Variants in AP4E1 observed in about 807,000 individuals in gnomAD.
The protein encoded by AP4E1 is AP-4 complex subunit epsilon-1.
AP4E1 carries 56 observed loss-of-function variants against 128.2 expected under a neutral mutation model. That is an observed-to-expected ratio of 0.44 (90% CI 0.35 to 0.55). AP4E1 has a LOEUF of 0.55. Among genes scored for constraint, AP4E1 ranks in the 20% least tolerant of loss-of-function variants. AP4E1 has a pLI of 0.00. For synonymous variants in AP4E1, 484 were observed against 473.1 expected, an observed-to-expected ratio of 1.02 and a Z score of -0.30; for missense variants, 1,324 against 1,307.7, an observed-to-expected ratio of 1.01 and a Z score of -0.19.
At chr15:50,909,495 A>C (rs1362843255) in intron 1 of AP4E1, among the ~76,000 whole-genome samples, 1 of 152,222 alleles carries the variant, frequency 6.6e-6, no homozygotes, top group Non-Finnish European at 1.5e-5. Flanking sequence ...AAGAAAAAGC[A>C]CAGTTCTCTC....
intron 16 of AP4E1, among the ~76,000 whole-genome samples, chr15:50,986,340 C>G (rs949427033): frequency 4.6e-5 from 7 of 152,158 alleles, no homozygotes; most frequent in Middle Eastern, 3.2e-3. Context: ...ACTTCCAACA[C>G]TGTGTTGAAT....
At chr15:50,919,872 T>A (rs2063675203) in intron 3 of AP4E1, among the ~76,000 whole-genome samples, 2 of 151,598 alleles carry the variant, frequency 1.3e-5, no homozygotes, top group African/African-American at 2.4e-5. Context: ...AAGTCAGGAG[T>A]TCGAGACCAG....
intron 17 of AP4E1, among the ~76,000 whole-genome samples, chr15:50,996,138 G>A (rs370331636): frequency 5.4e-5 from 8 of 148,656 alleles, no homozygotes; most frequent in African/African-American, 9.9e-5. Context: ...ACAGGCATGC[G>A]CTACCACGCC....
intron 8 of AP4E1, 76 bp from the exon 9 acceptor site, chr15:50,941,366 T>G (rs1204104976): frequency 1.3e-6 from 2 of 1,518,870 alleles, no homozygotes; most frequent in Non-Finnish European, 1.8e-6. Context: ...ATTAGTTTTA[T>G]TACAAGTTCT....
intron 14 of AP4E1, among the ~76,000 whole-genome samples, chr15:50,961,447 T>C (rs2064312487): frequency 6.6e-6 from 1 of 151,826 alleles, no homozygotes; most frequent in African/African-American, 2.4e-5. Flanking sequence ...CAAGGATGGT[T>C]GAACATACAA....
At position 50,920,875 on chromosome 15, in the gene AP4E1, T is replaced by G. The variant is rs1158312843; in HGVS notation, c.347-3056T>G. 7.9e-5 allele frequency among the ~76,000 whole-genome samples: 12 copies of G among 152,240 alleles called. 1 individual carries two copies. The highest frequency in any genetic ancestry group is 7.8e-4 in the Admixed American group (12 of 15,290). On this transcript the variant is annotated intron_variant, in intron 3 of 20. Coordinates refer to ENST00000261842, the MANE Select transcript of AP4E1 (RefSeq NM_007347.5). ...GTGCAATGGCACGATCTCGGCTTAC[T>G]GCAATCTCTACCTCCCAGGTTCAAG...
intron 1 of AP4E1, among the ~76,000 whole-genome samples, chr15:50,911,510 T>C (rs1040216907): frequency 5.4e-5 from 8 of 149,522 alleles, no homozygotes; most frequent in African/African-American, 2.0e-4. Context: ...TTAGATGGAG[T>C]CTTGCTCTGT....
chr15:50,975,163 T>C (rs561287083), intron 15 of AP4E1, among the ~76,000 whole-genome samples: 1 of 152,306 alleles, frequency 6.6e-6, no homozygotes, highest in South Asian at 2.1e-4. Flanking sequence ...CCCAGTACTT[T>C]AGGAGGCTGA....
At chr15:50,954,409 A>T (rs2064189228) in intron 13 of AP4E1, among the ~76,000 whole-genome samples, 1 of 152,208 alleles carries the variant, frequency 6.6e-6, no homozygotes, top group Non-Finnish European at 1.5e-5. Flanking sequence ...TTATAAATTC[A>T]ATTTTCTTAA....
At position 50,923,952 on chromosome 15, in the gene AP4E1, T is replaced by G; in HGVS notation, c.368T>G (p.Phe123Cys). 2 of 1,612,236 alleles carry G rather than the reference T, an allele frequency of 1.2e-6. No individual in the cohort carries two copies. Among genetic ancestry groups the G allele is most frequent in the Non-Finnish European group, 1.7e-6 (2 of 1,178,640 alleles). ...KRVGYLAVSL[F>C]LHESHELLLL... Reference sequence around the variant, plus strand: ...ATAGGTTATTTGGCTGTTTCCTTATTTCTACATGAAAGTCATGAATTATTG... The same window carrying G: ...ATAGGTTATTTGGCTGTTTCCTTATGTCTACATGAAAGTCATGAATTATTG... The change falls in exon 4 of 21, where the codon TTT (phenylalanine) becomes TGT (cysteine). Residue 123 changes from phenylalanine (F) to cysteine (C), a missense_variant. Phe to Cys is a radical substitution (Grantham distance 205). Transcript: ENST00000261842.
chr15:50,928,927 G>T, intron 5 of AP4E1, 82 bp from the exon 6 acceptor site: 1 of 1,355,922 alleles, frequency 7.4e-7, no homozygotes. Flanking sequence ...CCAGTATTTT[G>T]AAATCATCTG....
chr15:50,959,457 C>T (rs1029907116), intron 14 of AP4E1, among the ~76,000 whole-genome samples: 2 of 151,996 alleles, frequency 1.3e-5, no homozygotes, highest in African/African-American at 2.4e-5. Flanking sequence ...AACTGCCAGA[C>T]GAGTAAGTAT....
At chr15:50,946,044 G>T in intron 10 of AP4E1, 1 of 781,044 alleles carries the variant, frequency 1.3e-6, no homozygotes, top group South Asian at 1.6e-5. Flanking sequence ...TGTTACTTTT[G>T]ATTTGAGAAC....
chr15:50,923,366 G>T (rs184669911), intron 3 of AP4E1, among the ~76,000 whole-genome samples: 1 of 152,068 alleles, frequency 6.6e-6, no homozygotes, highest in Non-Finnish European at 1.5e-5. Flanking sequence ...ATTTAATGTG[G>T]CAGACAGTGT....
chr15:50,909,916 A>C (rs1279350111), intron 1 of AP4E1, among the ~76,000 whole-genome samples: 1 of 151,946 alleles, frequency 6.6e-6, no homozygotes, highest in East Asian at 2.0e-4. Flanking sequence ...CGATCTCCTG[A>C]CCTCGCGATC....
chr15:50,987,662 G>A (rs1227066911), intron 16 of AP4E1, among the ~76,000 whole-genome samples: 2 of 152,192 alleles, frequency 1.3e-5, no homozygotes, highest in African/African-American at 2.4e-5. Context: ...ACTGTGATCT[G>A]AGAGACAGTT....
rs781216686 is a variant in AP4E1, at chr15:50,923,988, T to G, written c.404T>G (p.Val135Gly). 2 of 1,609,044 alleles carry G rather than the reference T, an allele frequency of 1.2e-6. No homozygotes were observed. Among genetic ancestry groups the G allele is most frequent in the Non-Finnish European group, 1.7e-6 (2 of 1,175,726 alleles). The change falls in exon 4 of 21, where the codon GTG becomes GGG. Residue 135 changes from valine to glycine, a missense_variant. Val to Gly is a moderately radical substitution (Grantham distance 109, BLOSUM62 -3). Coordinates refer to ENST00000261842, the MANE Select transcript of AP4E1 (RefSeq NM_007347.5). ...AGTCATGAATTATTGCTTCTCCTTG[T>G]GAATACAGTTGTAAAGGTATTGTAT... ...HESHELLLLLVNTVVKDLQST... is the reference protein window; with the variant it reads ...HESHELLLLLGNTVVKDLQST...
intron 5 of AP4E1, among the ~76,000 whole-genome samples, chr15:50,925,554 G>C (rs2063757583): frequency 6.6e-6 from 1 of 151,856 alleles, no homozygotes; most frequent in Non-Finnish European, 1.5e-5. Context: ...TTGTTTTGGG[G>C]ATAAAGTGAA....
intron 20 of AP4E1, 63 bp downstream of exon 20, chr15:51,001,246 A>T: frequency 6.9e-7 from 1 of 1,455,588 alleles, no homozygotes; most frequent in Non-Finnish European, 9.6e-7. Context: ...TTGGAACACA[A>T]ATCAACTCTT....
Sources: allele counts gnomAD v4.1 joint callset (sites outside exome capture counted in the v4.1 genomes callset), GRCh38; gene constraint gnomAD v4.1.1; transcripts MANE v1.5; gene names NCBI Gene and HGNC (gene_info 2026-07-23, HGNC 2026-07-21).